The following MTMR12 variants were observed in gnomAD, a reference collection of about 807,000 sequenced individuals.
MTMR12 encodes myotubularin related protein 12, also known as myotubularin-related protein 12.
A neutral mutation model predicts 96.7 loss-of-function variants in MTMR12; 33 were observed. The ratio of observed to expected loss-of-function variants is 0.34; its 90% CI spans 0.26 to 0.46. MTMR12 has a LOEUF of 0.46. MTMR12 is among the 20% of genes least tolerant of loss of function. The probability of loss-of-function intolerance (pLI) is 1.00; values close to 1 mark genes in which losing one functional copy is unlikely to be tolerated. For missense variants in MTMR12, 721 were observed against 896.1 expected (o/e 0.80, Z 2.49); for synonymous variants, 298 against 327.2 (o/e 0.91, Z 0.96).
intron 1 of MTMR12, among the ~76,000 whole-genome samples, chr5:32,290,313 A>G (rs556242861): frequency 1.2e-3 from 187 of 152,348 alleles, no homozygotes; most frequent in African/African-American, 4.2e-3. Context: ...GGTCCATTAC[A>G]TTGATGACAT....
At position 32,274,080 on chromosome 5, in the gene MTMR12, A is replaced by G; in HGVS notation, c.185T>C (p.Val62Ala). ...CCCATGCTGACAGGAATCTTCCTGG[A>G]CATACTTCAGTACTGTGCTGGCTTC... Reference protein sequence around the residue: ...LCEASTVLKYVQEDSCQHGVY... With the variant: ...LCEASTVLKYAQEDSCQHGVY... Residue 62 changes from valine to alanine, a missense_variant, in exon 3 of 16, where the codon GTC (valine) becomes GCC (alanine). Coordinates refer to ENST00000382142, the MANE Select transcript of MTMR12 (RefSeq NM_001040446.3). The G allele has an allele frequency of 2.5e-6, 4 of 1,614,224 alleles. No individual in the cohort carries two copies. Among genetic ancestry groups the G allele is most frequent in the Non-Finnish European group, 3.4e-6 (4 of 1,180,028 alleles).
At chr5:32,246,358 C>T (rs775068681) in intron 10 of MTMR12, among the ~76,000 whole-genome samples, 17 of 152,124 alleles carry the variant, frequency 1.1e-4, no homozygotes, top group Middle Eastern at 3.4e-3. Context: ...AGATGGGTTT[C>T]GCCATGTTAG....
intron 1 of MTMR12, among the ~76,000 whole-genome samples, chr5:32,286,373 G>A (rs1359924314): frequency 2.0e-5 from 3 of 151,938 alleles, no homozygotes; most frequent in African/African-American, 4.8e-5. Context: ...AATAAGAATT[G>A]ACTTTTATTA....
intron 14 of MTMR12, chr5:32,234,737 G>A (rs1581586978): frequency 2.6e-6 from 1 of 390,274 alleles, no homozygotes; most frequent in African/African-American, 2.0e-5. Flanking sequence ...ACCAATGCTT[G>A]GTATGTAGTT....
intron 1 of MTMR12, among the ~76,000 whole-genome samples, chr5:32,281,783 C>A (rs188684078): frequency 6.6e-6 from 1 of 151,860 alleles, no homozygotes; most frequent in East Asian, 1.9e-4. Flanking sequence ...GCCTATAATC[C>A]CAGCTACTCA....
In MTMR12 at chr5:32,233,473, A is replaced by ACACACACACACAC. The variant is rs1748084676; in HGVS notation, c.1674+299_1674+300insGTGTGTGTGTGTG. On this transcript the variant is annotated intron_variant, in intron 15 of 15. Coordinates refer to ENST00000382142, the MANE Select transcript of MTMR12 (RefSeq NM_001040446.3). The surrounding 1 kb of genome is among the most constrained non-coding windows in gnomAD (Gnocchi z 5.0). Reference sequence around the variant, plus strand: ...CTCTACTAACACACACACACACACAAACACACACACACACACACACACACA... The same window carrying ACACACACACACAC: ...CTCTACTAACACACACACACACACAACACACACACACACACACACACACACACACACACACACA... 7.5e-4 allele frequency among the ~76,000 whole-genome samples: 45 copies of ACACACACACACAC among 60,000 alleles called. No homozygotes were observed. The highest frequency in any genetic ancestry group is 2.0e-3 in the African/African-American group (43 of 21,786). 39.4% of individuals were successfully genotyped at this position (60,000 alleles called of 152,430 possible).
intron 1 of MTMR12, among the ~76,000 whole-genome samples, chr5:32,305,860 G>A (rs1044104778): frequency 3.3e-5 from 5 of 150,146 alleles, no homozygotes; most frequent in Admixed American, 1.3e-4. Context: ...CCGAGATTGC[G>A]CCATTGCACT....
intron 1 of MTMR12, among the ~76,000 whole-genome samples, chr5:32,299,308 C>T (rs1751043756): frequency 6.6e-6 from 1 of 152,120 alleles, no homozygotes; most frequent in East Asian, 1.9e-4. Context: ...CCAAATTCAC[C>T]ATTAGCAAGT....
intron 5 of MTMR12, 51 bp downstream of exon 5, chr5:32,270,760 AGCTAGT>A: frequency 6.5e-7 from 1 of 1,541,200 alleles, no homozygotes; most frequent in Non-Finnish European, 8.8e-7. Flanking sequence ...CAAAAACTAG[AGCTAGT>A]GGGGAAAACC....
chr5:32,263,049 T>TA lies in MTMR12; in HGVS notation c.713+63dup, dbSNP rs200787629. On this transcript the variant is annotated intron_variant, in intron 7 of 15. Coordinates refer to ENST00000382142, the MANE Select transcript of MTMR12 (RefSeq NM_001040446.3). ...TGACTGCACAACCCTGTGAATATAC[T>TA]AAAAAACACTGTACACTTTTAATGG... 1,105 of 1,585,304 alleles carry TA rather than the reference T, an allele frequency of 7.0e-4. 9 individuals are homozygous for TA. In the African/African-American group the frequency reaches 0.014, roughly 19 times the overall value.
At chr5:32,303,847 CAA>C (rs57459005) in intron 1 of MTMR12, among the ~76,000 whole-genome samples, 17,839 of 67,746 alleles carry the variant, frequency 0.26, 887 homozygotes, top group Middle Eastern at 0.46. Context: ...TTTGCCATCT[CAA>C]AAAAAAAAAA....
At chr5:32,302,244 C>A (rs1445975045) in intron 1 of MTMR12, among the ~76,000 whole-genome samples, 1 of 152,150 alleles carries the variant, frequency 6.6e-6, no homozygotes, top group Non-Finnish European at 1.5e-5. Flanking sequence ...AATATGAAAT[C>A]AAAACAGCAT....
At chr5:32,296,667 A>G (rs1330715303) in intron 1 of MTMR12, among the ~76,000 whole-genome samples, 1 of 151,020 alleles carries the variant, frequency 6.6e-6, no homozygotes, top group Non-Finnish European at 1.5e-5. Flanking sequence ...TAGGAACAGT[A>G]ACACGTGCCT....
chr5:32,279,364 G>A (rs912619969), intron 1 of MTMR12, among the ~76,000 whole-genome samples: 17 of 152,148 alleles, frequency 1.1e-4, no homozygotes, highest in Middle Eastern at 3.4e-3. Context: ...AGGCTGCAGT[G>A]AGCCATGACT....
At chr5:32,278,920 A>C (rs1388000831) in intron 1 of MTMR12, among the ~76,000 whole-genome samples, 2 of 151,800 alleles carry the variant, frequency 1.3e-5, no homozygotes, top group Non-Finnish European at 2.9e-5. Flanking sequence ...TCTACTAAAA[A>C]TACAAAATTA....
intron 1 of MTMR12, among the ~76,000 whole-genome samples, chr5:32,292,018 T>C (rs558144724): frequency 1.3e-5 from 2 of 152,162 alleles, no homozygotes; most frequent in South Asian, 2.1e-4. Flanking sequence ...CCACACAGCA[T>C]TGCCTCTGAC....
At chr5:32,270,113 T>A (rs1359550791) in intron 5 of MTMR12, among the ~76,000 whole-genome samples, 2 of 152,032 alleles carry the variant, frequency 1.3e-5, no homozygotes, top group South Asian at 2.1e-4. Flanking sequence ...ATTTATACCA[T>A]CAGAGGGAAA....
intron 1 of MTMR12, among the ~76,000 whole-genome samples, chr5:32,303,230 T>C (rs1751217724): frequency 1.3e-5 from 2 of 152,344 alleles, no homozygotes; most frequent in East Asian, 1.9e-4. Flanking sequence ...CATGGACATA[T>C]CATTATTCCC....
chr5:32,283,596 T>A (rs1444611533), intron 1 of MTMR12, among the ~76,000 whole-genome samples: 1 of 152,106 alleles, frequency 6.6e-6, no homozygotes, highest in Non-Finnish European at 1.5e-5. Context: ...AATGCCACAC[T>A]GTCATGTGGA....
Sources: allele counts gnomAD v4.1 joint callset (sites outside exome capture counted in the v4.1 genomes callset), GRCh38; gene constraint gnomAD v4.1.1; non-coding constraint Gnocchi (gnomAD v3.1); transcripts MANE v1.5; gene names NCBI Gene and HGNC (gene_info 2026-07-23, HGNC 2026-07-21).